Variants in BICDL1 observed in about 807,000 individuals in gnomAD.
BICDL1 encodes BICD family like cargo adaptor 1.
A neutral mutation model predicts 76.8 loss-of-function variants in BICDL1; 20 were observed. The ratio of observed to expected loss-of-function variants is 0.26; its 90% CI spans 0.18 to 0.38. The LOEUF (loss-of-function observed/expected upper bound fraction) is 0.38, where lower values mean the gene tolerates loss of function less well. Among genes scored for constraint, BICDL1 ranks in the 10% least tolerant of loss-of-function variants. The pLI is 1.00. For synonymous variants in BICDL1, 383 were observed against 337.1 expected, an observed-to-expected ratio of 1.14 and a Z score of -1.49; for missense variants, 700 against 798.6, an observed-to-expected ratio of 0.88 and a Z score of 1.49.
rs1472191218 is a variant in BICDL1, at chr12:120,068,645, G to A, written c.910-2977G>A. ...AGCCTGGCCAATATGGTGAAACCCCGTCTCTACTAAAAATACAAAATTTAG... is the reference window on the plus strand; with the variant it reads ...AGCCTGGCCAATATGGTGAAACCCCATCTCTACTAAAAATACAAAATTTAG... On this transcript the variant is annotated intron_variant, in intron 4 of 9. Coordinates refer to ENST00000548673, the MANE Select transcript of BICDL1 (RefSeq NM_001367886.1). Among the ~76,000 whole-genome samples the A allele has an allele frequency of 4.6e-5, 7 of 152,178 alleles. 1 individual carries two copies. Among genetic ancestry groups the A allele is most frequent in the African/African-American group, 1.4e-4 (6 of 41,426 alleles).
At chr12:119,993,978 G>A (rs1951582775) in intron 1 of BICDL1, among the ~76,000 whole-genome samples, 1 of 152,194 alleles carries the variant, frequency 6.6e-6, no homozygotes, top group South Asian at 2.1e-4. Flanking sequence ...TAGCCGTTTT[G>A]CTTTAAAACT....
intron 1 of BICDL1, among the ~76,000 whole-genome samples, chr12:119,997,090 A>G (rs1381098558): frequency 6.6e-6 from 1 of 151,950 alleles, no homozygotes; most frequent in East Asian, 1.9e-4. Flanking sequence ...CTGGGACTGC[A>G]GGCCCTCGCC....
At chr12:120,060,403 G>GC (rs1443354714) in intron 2 of BICDL1, among the ~76,000 whole-genome samples, 1 of 152,182 alleles carries the variant, frequency 6.6e-6, no homozygotes, top group Non-Finnish European at 1.5e-5. Context: ...GCATCATAAA[G>GC]CCAAGCTATG....
At chr12:120,069,809 T>C (rs1198239840) in intron 4 of BICDL1, among the ~76,000 whole-genome samples, 1 of 152,200 alleles carries the variant, frequency 6.6e-6, no homozygotes, top group Non-Finnish European at 1.5e-5. Context: ...CAGACCACGA[T>C]CAGCACCCTA....
chr12:120,049,832 T>A (rs1952819121), intron 2 of BICDL1, among the ~76,000 whole-genome samples: 1 of 152,250 alleles, frequency 6.6e-6, no homozygotes, highest in Admixed American at 6.5e-5. Context: ...TCTTCAGTTG[T>A]CACATGTGTT....
At chr12:120,051,987 C>G (rs954821252) in intron 2 of BICDL1, among the ~76,000 whole-genome samples, 1 of 152,080 alleles carries the variant, frequency 6.6e-6, no homozygotes, top group African/African-American at 2.4e-5. Context: ...GTTTCCCAGG[C>G]TGGAGTGCAG....
At chr12:120,008,802 CT>C (rs1417682267) in intron 2 of BICDL1, among the ~76,000 whole-genome samples, 1 of 152,182 alleles carries the variant, frequency 6.6e-6, no homozygotes, top group Non-Finnish European at 1.5e-5. Flanking sequence ...GAGAGGACCA[CT>C]TCAGCTAAAA....
At chr12:119,996,988 G>T (rs1480364914) in intron 1 of BICDL1, among the ~76,000 whole-genome samples, 2 of 148,236 alleles carry the variant, frequency 1.3e-5, no homozygotes, top group Admixed American at 1.4e-4. Context: ...TCGCTCCGTC[G>T]TCCGGGCTAG....
At chr12:120,065,803 T>C (rs1464144686) in intron 4 of BICDL1, among the ~76,000 whole-genome samples, 1 of 152,222 alleles carries the variant, frequency 6.6e-6, no homozygotes, top group African/African-American at 2.4e-5. Context: ...TTTGAAAGCC[T>C]TGGGGTATGG....
intron 2 of BICDL1, among the ~76,000 whole-genome samples, chr12:120,004,771 T>C (rs561707329): frequency 2.6e-5 from 4 of 152,228 alleles, no homozygotes; most frequent in Non-Finnish European, 5.9e-5. Flanking sequence ...TTAGTAGATA[T>C]TCAGAAATTC....
intron 1 of BICDL1, among the ~76,000 whole-genome samples, chr12:119,995,636 G>A (rs1951627511): frequency 6.6e-6 from 1 of 152,160 alleles, no homozygotes; most frequent in African/African-American, 2.4e-5. Context: ...CACAATTTTA[G>A]GATTGCAATT....
At chr12:120,063,242 A>T (rs1953146105) in intron 3 of BICDL1, among the ~76,000 whole-genome samples, 1 of 152,188 alleles carries the variant, frequency 6.6e-6, no homozygotes, top group Non-Finnish European at 1.5e-5. Flanking sequence ...CTAGAGTAAG[A>T]ATTGTCTTCA....
At chr12:120,084,005 T>C (rs962584844) in intron 8 of BICDL1, among the ~76,000 whole-genome samples, 3 of 151,946 alleles carry the variant, frequency 2.0e-5, no homozygotes, top group African/African-American at 7.3e-5. Context: ...TTTATTCTTT[T>C]TTTTTTTCTT....
rs1249354891 is a variant in BICDL1 at position 120,093,875 on chromosome 12, T to C, written c.*714T>C. On this transcript the variant is annotated 3_prime_UTR_variant, in exon 10 of 10. Coordinates refer to ENST00000548673, the MANE Select transcript of BICDL1 (RefSeq NM_001367886.1). ...CTTAGCAGGGCCTGGCCAGGCAGAGTGTTATCACCAGTCATCTGCAGGCTT... is the reference window on the plus strand; with the variant it reads ...CTTAGCAGGGCCTGGCCAGGCAGAGCGTTATCACCAGTCATCTGCAGGCTT... 1 of 228,504 alleles carries C rather than the reference T, an allele frequency of 4.4e-6. No homozygotes were observed. The highest frequency in any genetic ancestry group is 5.2e-5 in the Admixed American group (1 of 19,310). The allele number at this position is 228,504 out of a possible 1,614,324, so 14.2% of individuals were successfully genotyped here.
intron 2 of BICDL1, chr12:120,018,838 G>A (rs1011714903): frequency 1.3e-5 from 2 of 152,132 alleles, no homozygotes; most frequent in African/African-American, 4.8e-5. Context: ...GAGGTCAGGA[G>A]ATCAAGACCT....
chr12:120,020,731 C>T (rs1952161497), intron 2 of BICDL1, among the ~76,000 whole-genome samples: 1 of 152,160 alleles, frequency 6.6e-6, no homozygotes, highest in Non-Finnish European at 1.5e-5. Context: ...TATCATCCCA[C>T]AGGTTATTTG....
At chr12:120,053,499 A>G (rs529522631) in intron 2 of BICDL1, among the ~76,000 whole-genome samples, 109 of 152,268 alleles carry the variant, frequency 7.2e-4, no homozygotes, top group African/African-American at 2.6e-3. Context: ...GTTATAATCC[A>G]TTACTGTCAT....
intron 2 of BICDL1, among the ~76,000 whole-genome samples, chr12:120,002,620 G>T (rs1951779850): frequency 6.6e-6 from 1 of 152,074 alleles, no homozygotes; most frequent in African/African-American, 2.4e-5. Context: ...TCTATTCCTT[G>T]AGTAAAATAT....
At chr12:120,059,289 A>G (rs1001627029) in intron 2 of BICDL1, among the ~76,000 whole-genome samples, 1 of 151,604 alleles carries the variant, frequency 6.6e-6, no homozygotes, top group African/African-American at 2.4e-5. Flanking sequence ...TTGTTTTTTG[A>G]GACTGAGTCT....
Sources: allele counts gnomAD v4.1 joint callset (sites outside exome capture counted in the v4.1 genomes callset), GRCh38; gene constraint gnomAD v4.1.1; transcripts MANE v1.5; gene names NCBI Gene and HGNC (gene_info 2026-07-23, HGNC 2026-07-21).